The following ZNF804B variants were observed in gnomAD, a reference collection of about 807,000 sequenced individuals.
ZNF804B encodes the protein zinc finger protein 804B.
In ZNF804B, 80 loss-of-function variants were observed where a neutral mutation model predicts 101.4. The observed-to-expected ratio is 0.79, with a 90% CI of 0.66 to 0.95. The LOEUF is 0.95. Among genes scored for constraint, ZNF804B ranks in the 40% least tolerant of loss-of-function variants. ZNF804B has a pLI of 0.00. For synonymous variants in ZNF804B, 622 were observed against 558.8 expected (o/e 1.11, Z -1.59); for missense variants, 1,673 against 1,561.9 (o/e 1.07, Z -1.20).
intron 1 of ZNF804B, among the ~76,000 whole-genome samples, chr7:89,188,653 C>A (rs1788410532): frequency 6.6e-6 from 1 of 152,058 alleles, no homozygotes; most frequent in African/African-American, 2.4e-5. Context: ...CCAGTGAACA[C>A]ACGAATGATG....
chr7:89,051,874 G>C (rs553772883), intron 1 of ZNF804B, among the ~76,000 whole-genome samples: 1 of 152,048 alleles, frequency 6.6e-6, no homozygotes, highest in African/African-American at 2.4e-5. Flanking sequence ...CTGTTGTCCA[G>C]TTTCTTCATT....
At chr7:89,149,118 A>T (rs571440574) in intron 1 of ZNF804B, among the ~76,000 whole-genome samples, 35 of 152,228 alleles carry the variant, frequency 2.3e-4, no homozygotes, top group Non-Finnish European at 3.2e-4. Context: ...ACCCCATGGC[A>T]TGAACCTTTC....
intron 2 of ZNF804B, among the ~76,000 whole-genome samples, chr7:89,225,287 G>A (rs575429947): frequency 4.6e-5 from 7 of 152,196 alleles, no homozygotes; most frequent in African/African-American, 1.7e-4. Context: ...AGCCATAATA[G>A]GATATCTACA....
intron 3 of ZNF804B, 27 bp downstream of exon 3, chr7:89,327,501 T>A: frequency 6.3e-7 from 1 of 1,594,248 alleles, no homozygotes; most frequent in South Asian, 1.2e-5. Flanking sequence ...TCTGGGATGC[T>A]TCAAAACTCT....
chr7:89,324,150 C>T (rs1790863758), intron 2 of ZNF804B, among the ~76,000 whole-genome samples: 1 of 150,950 alleles, frequency 6.6e-6, no homozygotes, highest in South Asian at 2.1e-4. Flanking sequence ...ATTGGATTTG[C>T]AATTAGTATT....
intron 1 of ZNF804B, among the ~76,000 whole-genome samples, chr7:89,178,499 G>T (rs928842364): frequency 2.0e-5 from 3 of 152,012 alleles, no homozygotes; most frequent in Admixed American, 6.6e-5. Flanking sequence ...AACTGATGGT[G>T]ACACTGATTG....
At chr7:89,171,739 C>T (rs1791240177) in intron 1 of ZNF804B, among the ~76,000 whole-genome samples, 1 of 152,020 alleles carries the variant, frequency 6.6e-6, no homozygotes, top group South Asian at 2.1e-4. Flanking sequence ...TGGGCAGCTC[C>T]ATATTTTTAT....
In ZNF804B at chr7:88,912,341, A is replaced by C. The variant is rs191143401; in HGVS notation, c.108+152257A>C. Among the ~76,000 whole-genome samples the C allele has an allele frequency of 3.3e-3, 496 of 152,190 alleles. 2 individuals are homozygous for C. Among genetic ancestry groups the C allele is most frequent in the African/African-American group, 0.011 (457 of 41,574 alleles). ...ATCTTTCATTAGAGAGGTACAGGAA[A>C]TATATTTTTTCTAATCTATGGCATG... On this transcript the variant is annotated intron_variant, in intron 1 of 3. Transcript: ENST00000333190.
intron 1 of ZNF804B, among the ~76,000 whole-genome samples, chr7:88,838,869 G>A (rs931643437): frequency 3.3e-5 from 5 of 151,964 alleles, no homozygotes; most frequent in African/African-American, 1.2e-4. Context: ...AACTATACTT[G>A]TTATAATAAC....
intron 1 of ZNF804B, among the ~76,000 whole-genome samples, chr7:89,216,799 A>G (rs950620236): frequency 6.6e-6 from 1 of 152,222 alleles, no homozygotes; most frequent in Non-Finnish European, 1.5e-5. Context: ...CTATTTGCCT[A>G]TGATGTACAC....
At chr7:89,167,280 TAA>T (rs565635692) in intron 1 of ZNF804B, among the ~76,000 whole-genome samples, 2 of 142,886 alleles carry the variant, frequency 1.4e-5, no homozygotes, top group Non-Finnish European at 1.5e-5. Context: ...TGCTAAAAAT[TAA>T]AAAAAAAAAA....
At chr7:89,061,974 A>C (rs181449005) in intron 1 of ZNF804B, among the ~76,000 whole-genome samples, 4 of 151,896 alleles carry the variant, frequency 2.6e-5, no homozygotes, top group African/African-American at 9.7e-5. Flanking sequence ...ATCACTCCCA[A>C]TTCCTAGGGG....
intron 2 of ZNF804B, among the ~76,000 whole-genome samples, chr7:89,279,057 G>C (rs1217059130): frequency 6.6e-6 from 1 of 152,034 alleles, no homozygotes; most frequent in Non-Finnish European, 1.5e-5. Context: ...TCCTTGAAGA[G>C]GTCCTTCACA....
intron 2 of ZNF804B, among the ~76,000 whole-genome samples, chr7:89,232,977 A>C (rs1405228291): frequency 1.3e-5 from 2 of 152,116 alleles, no homozygotes; most frequent in African/African-American, 4.8e-5. Flanking sequence ...GCTGGAGTGC[A>C]GTGGCGCGAT....
intron 1 of ZNF804B, among the ~76,000 whole-genome samples, chr7:88,836,471 A>G: frequency 6.6e-6 from 1 of 151,898 alleles, no homozygotes; most frequent in East Asian, 1.9e-4. Context: ...GTCAAGCAAG[A>G]ACAACAATAA....
In ZNF804B at chr7:88,977,171, C is replaced by G. The variant is rs1046536211; in HGVS notation, c.108+217087C>G. On this transcript the variant is annotated intron_variant, in intron 1 of 3. Transcript: ENST00000333190. The stretch of plus-strand genomic sequence containing the variant: ...AGAGGATTTTTGCATCACTGTTGAT[C>G]AGGGATATTGGCCCATAAATTCTTT... Among the ~76,000 whole-genome samples, 49 of 149,758 alleles carry G rather than the reference C, an allele frequency of 3.3e-4. 1 individual carries two copies. Among genetic ancestry groups the G allele is most frequent in the Non-Finnish European group, 4.5e-5 (3 of 67,056 alleles).
At chr7:88,797,574 G>C (rs1175197997) in intron 1 of ZNF804B, among the ~76,000 whole-genome samples, 1 of 152,086 alleles carries the variant, frequency 6.6e-6, no homozygotes, top group Non-Finnish European at 1.5e-5. Flanking sequence ...GGTGTGATTT[G>C]TTACCTAACA....
chr7:88,998,787 T>C (rs1788240181), intron 1 of ZNF804B, among the ~76,000 whole-genome samples: 1 of 151,978 alleles, frequency 6.6e-6, no homozygotes, highest in South Asian at 2.1e-4. Flanking sequence ...TACGGGATAA[T>C]TGGGCCAAAA....
At chr7:88,825,979 C>T (rs1791045773) in intron 1 of ZNF804B, among the ~76,000 whole-genome samples, 1 of 152,014 alleles carries the variant, frequency 6.6e-6, no homozygotes, top group Non-Finnish European at 1.5e-5. Flanking sequence ...ACTGCAAAAC[C>T]AGCAAATCTT....
Sources: gnomAD v4.1 joint callset for allele counts (sites outside exome capture counted in the v4.1 genomes callset) on GRCh38, gnomAD v4.1.1 for gene constraint, MANE v1.5 for transcripts, NCBI Gene and HGNC (gene_info 2026-07-23, HGNC 2026-07-21) for gene names.